The following CHRM1 variants were observed in gnomAD, a reference collection of about 807,000 sequenced individuals.
The protein encoded by CHRM1 is cholinergic receptor muscarinic 1.
CHRM1 carries 5 observed loss-of-function variants against 31.6 expected under a neutral mutation model. That is an observed-to-expected ratio of 0.16 (90% CI 0.08 to 0.33). CHRM1 has a LOEUF of 0.33. Ranked by LOEUF, CHRM1 falls within the 10% of genes least tolerant of loss-of-function variation. CHRM1 has a pLI of 1.00. For missense variants in CHRM1, 338 were observed against 610.3 expected (o/e 0.55, Z 4.70); for synonymous variants, 227 against 249.7 (o/e 0.91, Z 0.86).
rs373279667 is a variant in CHRM1 at position 62,910,417 on chromosome 11, G to A, written c.684C>T (p.Ser228=). Reference sequence around the variant, plus strand: ...TGCCACCCCCTTTGCCTGGCGTCTCGGAGCCCTGAAGGGCTGCCAGCTCCC... The same window carrying A: ...TGCCACCCCCTTTGCCTGGCGTCTCAGAGCCCTGAAGGGCTGCCAGCTCCC... ...RARELAALQG[S]ETPGKGGGSS... Residue 228 remains serine (S), a synonymous_variant, in exon 2 of 2, where the codon TCC becomes TCT. Transcript: ENST00000306960. This position sits in a 1 kb window ranked among gnomAD's most constrained non-coding sequence, Gnocchi z 8.7. 19 of 1,612,762 alleles carry A rather than the reference G, an allele frequency of 1.2e-5. No homozygotes were observed. Among genetic ancestry groups the A allele is most frequent in the African/African-American group, 9.3e-5 (7 of 75,056 alleles).
intron 1 of CHRM1, among the ~76,000 whole-genome samples, chr11:62,918,870 A>T (rs1452415876): frequency 6.6e-6 from 1 of 152,140 alleles, no homozygotes; most frequent in Non-Finnish European, 1.5e-5. Context: ...GGCTTTTCTG[A>T]ACGTACCGCT....
At chr11:62,920,927 C>T (rs2085930120) in intron 1 of CHRM1, among the ~76,000 whole-genome samples, 1 of 152,124 alleles carries the variant, frequency 6.6e-6, no homozygotes, top group Non-Finnish European at 1.5e-5. Context: ...CTAATCCCTT[C>T]TGGGCCTCAG....
At chr11:62,913,948 CTT>C (rs557640543) in intron 1 of CHRM1, among the ~76,000 whole-genome samples, 1 of 140,130 alleles carries the variant, frequency 7.1e-6, no homozygotes, top group Admixed American at 7.2e-5. Flanking sequence ...TTTTCTTTTT[CTT>C]TTTTTTTTTT....
intron 1 of CHRM1, among the ~76,000 whole-genome samples, chr11:62,914,755 C>T (rs2085891411): frequency 6.6e-6 from 1 of 152,226 alleles, no homozygotes; most frequent in South Asian, 2.1e-4. Flanking sequence ...AGCTCTGTAT[C>T]CCTGGGCCCT....
Position 62,909,912 on chromosome 11 carries a change from C to T in CHRM1, c.1189G>A (p.Glu397Lys), listed in dbSNP as rs779005189. ...VSTFCKDCVP[E>K]TLWELGYWLC... ...CAGTAGCCCAGCTCCCACAGGGTCT[C>T]GGGAACACAGTCCTTGCAGAAGGTG... Residue 397 changes from glutamate to lysine, a missense_variant, in exon 2 of 2, where the codon GAG becomes AAG. By Grantham distance (56) the Glu-to-Lys change is moderately conservative. This residue lies in a region of CHRM1 where 68 missense variants were observed against 108.5 expected (regional missense o/e 0.63). Coordinates refer to ENST00000306960, the MANE Select transcript of CHRM1 (RefSeq NM_000738.3). 5.6e-6 allele frequency: 9 copies of T among 1,614,080 alleles called. No individual in the cohort carries two copies. Among genetic ancestry groups the T allele is most frequent in the East Asian group, 2.2e-5 (1 of 44,892 alleles).
rs777333908 is a variant in CHRM1, at chr11:62,910,329, G to A, written c.772C>T (p.Arg258Cys). Residue 258 changes from arginine (R) to cysteine (C), a missense_variant, in exon 2 of 2, where the codon CGC becomes TGC. Arg to Cys is a radical substitution (Grantham distance 180, BLOSUM62 -3). Around this residue, in one of 4 missense-constraint regions of CHRM1, gnomAD observed 183 missense variants for 223.4 expected, o/e 0.82. Transcript: ENST00000306960. The surrounding 1 kb of genome is among the most constrained non-coding windows in gnomAD (Gnocchi z 8.7). ...GGGGCCCGGCAGCAGCGACAGCAGCGGCCTGGAGGAGTCTCTGGTGAGCCC... is the reference window on the plus strand; with the variant it reads ...GGGGCCCGGCAGCAGCGACAGCAGCAGCCTGGAGGAGTCTCTGGTGAGCCC... ...AEGSPETPPG[R>C]CCRCCRAPRL... The A allele has an allele frequency of 1.9e-5, 30 of 1,610,270 alleles. No individual in the cohort carries two copies. Among genetic ancestry groups the A allele is most frequent in the East Asian group, 4.5e-5 (2 of 44,852 alleles).
At chr11:62,911,436 C>G (rs2085870688) in intron 1 of CHRM1, among the ~76,000 whole-genome samples, 1 of 152,168 alleles carries the variant, frequency 6.6e-6, no homozygotes, top group South Asian at 2.1e-4. Context: ...TCCAGGCCTC[C>G]ATTTTCTTAC....
In CHRM1 at chr11:62,909,833, T is replaced by C; in HGVS notation, c.1268A>G (p.Lys423Arg). 6.2e-7 allele frequency: 1 copy of C among 1,614,156 alleles called. No homozygotes were observed. ...INPMCYALCNKAFRDTFRLLL... is the reference protein window; with the variant it reads ...INPMCYALCNRAFRDTFRLLL... ...CAGGCGAAAGGTGTCCCGGAAGGCT[T>C]TGTTGCAGAGTGCGTAGCACATGGG... The change falls in exon 2 of 2, where the codon AAA (lysine) becomes AGA (arginine). Residue 423 changes from lysine (K) to arginine (R), a missense_variant. Lys to Arg is a conservative substitution (Grantham distance 26). Transcript: ENST00000306960.
chr11:62,912,803 C>A (rs761494026), intron 1 of CHRM1, among the ~76,000 whole-genome samples: 1 of 152,234 alleles, frequency 6.6e-6, no homozygotes, highest in Non-Finnish European at 1.5e-5. Context: ...GGTCCCCTGA[C>A]CCTCAGCTGT....
rs1035336460 is a variant in CHRM1, at chr11:62,909,653, C to T, written c.*65G>A. 7 of 1,564,792 alleles carry T rather than the reference C, an allele frequency of 4.5e-6. No homozygotes were observed. The African/African-American group carries it at 9.4e-5, about 21-fold the overall frequency. ...CAGGGCCCTGGGGCTGAGGATGCAG[C>T]CCCTGCCCTCTTCCCACCGGCCTTT... On this transcript the variant is annotated 3_prime_UTR_variant, in exon 2 of 2. Transcript: ENST00000306960.
intron 1 of CHRM1, among the ~76,000 whole-genome samples, chr11:62,919,082 G>A (rs1421771233): frequency 1.3e-5 from 2 of 152,050 alleles, no homozygotes; most frequent in African/African-American, 4.8e-5. Context: ...ATGCAATGAG[G>A]AGGGCGCTCC....
chr11:62,910,258 G>A lies in CHRM1; in HGVS notation c.843C>T (p.Asp281=), dbSNP rs766051954. The part of the protein sequence containing the change: ...AYSWKEEEEE[D]EGSMESLTSS... ...ATGTGAGGGACTCCATGGAGCCTTCGTCCTCTTCCTCTTCTTCCTTCCAGC... is the reference window on the plus strand; with the variant it reads ...ATGTGAGGGACTCCATGGAGCCTTCATCCTCTTCCTCTTCTTCCTTCCAGC... The change falls in exon 2 of 2, where the codon GAC becomes GAT. Residue 281 remains aspartate (D), a synonymous_variant. Coordinates refer to ENST00000306960, the MANE Select transcript of CHRM1 (RefSeq NM_000738.3). The surrounding 1 kb of genome is among the most constrained non-coding windows in gnomAD (Gnocchi z 8.7). 8.7e-5 allele frequency: 140 copies of A among 1,613,384 alleles called. No individual in the cohort carries two copies. In the Admixed American group the frequency reaches 2.1e-3, roughly 24 times the overall value.
rs144752487 is a variant in CHRM1 at position 62,910,750 on chromosome 11, C to A, written c.351G>T (p.Leu117=). ...AGAAGTAGCGGTCAAAGCTGATGAGCAGCAGATTCATGACGGAGGCATTGC... is the reference window on the plus strand; with the variant it reads ...AGAAGTAGCGGTCAAAGCTGATGAGAAGCAGATTCATGACGGAGGCATTGC... ...VASNASVMNL[L]LISFDRYFSV... The change falls in exon 2 of 2, where the codon CTG becomes CTT. Residue 117 remains leucine (L), a synonymous_variant. Transcript: ENST00000306960. The surrounding 1 kb of genome is among the most constrained non-coding windows in gnomAD (Gnocchi z 8.7). 1.2e-6 allele frequency: 2 copies of A among 1,614,182 alleles called. No homozygotes were observed. Among genetic ancestry groups the A allele is most frequent in the Non-Finnish European group, 8.5e-7 (1 of 1,180,034 alleles).
chr11:62,911,296 C>G, intron 1 of CHRM1, 118 bp from the exon 2 acceptor site: 1 of 599,018 alleles, frequency 1.7e-6, no homozygotes, highest in Non-Finnish European at 2.9e-6. Flanking sequence ...ATAGCATCAC[C>G]CTCCCTTACC....
rs146004957 is a variant in CHRM1, at chr11:62,910,853, G to T, written c.248C>A (p.Thr83Asn). The T allele has an allele frequency of 1.2e-6, 2 of 1,614,170 alleles. No individual in the cohort carries two copies. The highest frequency in any genetic ancestry group is 1.7e-6 in the Non-Finnish European group (2 of 1,180,026). The change falls in exon 2 of 2, where the codon ACC becomes AAC. Residue 83 changes from threonine to asparagine, a missense_variant. Transcript: ENST00000306960. The surrounding 1 kb of genome is among the most constrained non-coding windows in gnomAD (Gnocchi z 8.7). ...CCAGTGGCCCATGAGCAGGTACGTG[G>T]TATAGAGGTTCATGGAGAAGGTACC... ...IIGTFSMNLY[T>N]TYLLMGHWAL...
intron 1 of CHRM1, among the ~76,000 whole-genome samples, chr11:62,915,520 A>T: frequency 6.6e-6 from 1 of 152,224 alleles, no homozygotes. Context: ...GATTTAAAAA[A>T]ATATTATTAT....
chr11:62,919,645 A>G (rs2085920705), intron 1 of CHRM1, among the ~76,000 whole-genome samples: 1 of 151,878 alleles, frequency 6.6e-6, no homozygotes, highest in Admixed American at 6.6e-5. Flanking sequence ...CCATGGCACC[A>G]CAGCAGAGCA....
intron 1 of CHRM1, among the ~76,000 whole-genome samples, chr11:62,920,174 T>G (rs2085925256): frequency 6.6e-6 from 1 of 152,192 alleles, no homozygotes; most frequent in Non-Finnish European, 1.5e-5. Flanking sequence ...AAGGAGACTG[T>G]CTGGCTACTG....
chr11:62,915,020 T>C (rs1451029301), intron 1 of CHRM1, among the ~76,000 whole-genome samples: 8 of 151,740 alleles, frequency 5.3e-5, no homozygotes, highest in Non-Finnish European at 1.2e-4. Context: ...ACTAAAAATA[T>C]AAAAATTAGC....
Sources: gnomAD v4.1 joint callset for allele counts (sites outside exome capture counted in the v4.1 genomes callset) on GRCh38, gnomAD v4.1.1 for gene constraint, gnomAD v4.1.1 regional missense constraint, Gnocchi (gnomAD v3.1) non-coding constraint, MANE v1.5 for transcripts, NCBI Gene and HGNC (gene_info 2026-07-23, HGNC 2026-07-21) for gene names.